Variants in DNAJC27 observed in about 807,000 individuals in gnomAD.
The protein encoded by DNAJC27 is DnaJ heat shock protein family (Hsp40) member C27.
In DNAJC27, 25 loss-of-function variants were observed where a neutral mutation model predicts 31.4. That is an observed-to-expected ratio of 0.80 (90% confidence interval 0.58 to 1.11). The LOEUF (loss-of-function observed/expected upper bound fraction) is 1.11. DNAJC27 is among the 50% of genes most tolerant of loss of function. The pLI is 0.00. For missense variants in DNAJC27, 356 were observed against 347.3 expected (o/e 1.02, Z -0.20); for synonymous variants, 106 against 112.7 (o/e 0.94, Z 0.37).
intron 6 of DNAJC27, 63 bp downstream of exon 6, chr2:24,951,331 A>G: frequency 6.7e-7 from 1 of 1,493,638 alleles, no homozygotes; most frequent in South Asian, 1.4e-5. Flanking sequence ...CTGCACCTAT[A>G]ATTTTGGTGA....
chr2:24,968,445 GTTTT>G (rs911772611), intron 1 of DNAJC27, among the ~76,000 whole-genome samples: 3 of 151,712 alleles, frequency 2.0e-5, no homozygotes, highest in African/African-American at 7.2e-5. Context: ...AAAATAATAA[GTTTT>G]TTTAAAAGTT....
intron 1 of DNAJC27, among the ~76,000 whole-genome samples, chr2:24,970,662 C>T (rs139169135): frequency 5.9e-5 from 9 of 151,568 alleles, no homozygotes; most frequent in African/African-American, 2.2e-4. Flanking sequence ...CAGGATTTCA[C>T]TATGCTGGTC....
chr2:24,950,113 C>G (rs1169919014), intron 6 of DNAJC27, among the ~76,000 whole-genome samples: 4 of 151,260 alleles, frequency 2.6e-5, no homozygotes, highest in African/African-American at 9.7e-5. Flanking sequence ...AAAAAAAGAT[C>G]CCGATAAACT....
Position 24,971,807 on chromosome 2 carries a change from G to A in DNAJC27, c.87+11C>T, listed in dbSNP as rs561708577. ...CGCTGGGGCCCGCCCCTCCCGGCTC[G>A]CTGTACTCACTTTCCCCACTTCGGC... On this transcript the variant is annotated intron_variant, in intron 1 of 6. Transcript: ENST00000264711. 5.0e-6 allele frequency: 8 copies of A among 1,600,122 alleles called. No homozygotes were observed. The highest frequency in any genetic ancestry group is 4.0e-5 in the African/African-American group (3 of 74,088).
chr2:24,955,844 C>T (rs946770557), intron 5 of DNAJC27, among the ~76,000 whole-genome samples: 24 of 152,190 alleles, frequency 1.6e-4, no homozygotes, highest in African/African-American at 5.6e-4. Context: ...ACTTTACTAC[C>T]CTTAGATGCT....
At chr2:24,964,378 C>T (rs568075701) in intron 2 of DNAJC27, among the ~76,000 whole-genome samples, 6 of 149,896 alleles carry the variant, frequency 4.0e-5, no homozygotes, top group East Asian at 2.0e-4. Flanking sequence ...GCCGAGATCA[C>T]GCCACTGCAC....
chr2:24,950,456 A>G (rs1365113561), intron 6 of DNAJC27, among the ~76,000 whole-genome samples: 1 of 152,242 alleles, frequency 6.6e-6, no homozygotes, highest in East Asian at 1.9e-4. Context: ...TTACATAACC[A>G]TAATGAATAA....
At chr2:24,958,568 G>A (rs1665965540) in intron 3 of DNAJC27, 1 of 422,416 alleles carries the variant, frequency 2.4e-6, no homozygotes, top group Non-Finnish European at 5.0e-6. Context: ...TCTTGGGCAA[G>A]TCACTTAACC....
In DNAJC27 at chr2:24,957,966, A is replaced by G. The variant is rs1665948938; in HGVS notation, c.249T>C (p.Asn83=). 4.3e-6 allele frequency: 7 copies of G among 1,609,470 alleles called. No homozygotes were observed. In the South Asian group the frequency reaches 5.6e-5, roughly 13 times the overall value. Residue 83 remains asparagine, a synonymous_variant, in exon 4 of 7, where the codon AAT becomes AAC. Transcript: ENST00000264711. ...CACCCTGTGTGTCCTTGTAAAACTC[A>G]TTTCGAACCTTCAAATAAAAGGACA... is the stretch of plus-strand genomic sequence containing the variant. ...AGHPFFYEVR[N]EFYKDTQGVI...
At chr2:24,969,768 T>C (rs1446924394) in intron 1 of DNAJC27, among the ~76,000 whole-genome samples, 1 of 152,216 alleles carries the variant, frequency 6.6e-6, no homozygotes, top group African/African-American at 2.4e-5. Flanking sequence ...CGTGAGCCAC[T>C]GCGCCCGGCC....
intron 6 of DNAJC27, among the ~76,000 whole-genome samples, chr2:24,949,541 C>T (rs144249919): frequency 1.3e-5 from 2 of 152,158 alleles, no homozygotes; most frequent in Non-Finnish European, 2.9e-5. Context: ...CAACAAATAC[C>T]AAAACTCTCT....
chr2:24,958,067 T>C lies in DNAJC27; in HGVS notation c.241-93A>G, dbSNP rs187777438. ...ATTAACCTGGCAAAGTGTGTTCTTT[T>C]GTGTATTCTTAGTGTTTGCTATTGT... On this transcript the variant is annotated intron_variant, in intron 3 of 6. Transcript: ENST00000264711. The C allele has an allele frequency of 1.3e-5, 15 of 1,197,120 alleles. 1 individual carries two copies. Among genetic ancestry groups the C allele is most frequent in the East Asian group, 1.0e-4 (4 of 39,988 alleles). 74.2% of individuals were successfully genotyped at this position (1,197,120 alleles called of 1,614,324 possible). A position where few individuals can be genotyped will look rare whatever the true frequency, so the allele number is the denominator to read the frequency against.
intron 3 of DNAJC27, among the ~76,000 whole-genome samples, chr2:24,962,887 A>C (rs1666083936): frequency 6.6e-6 from 1 of 152,208 alleles, no homozygotes; most frequent in South Asian, 2.1e-4. Context: ...GAAAAATGAA[A>C]AAGCCCAAGG....
intron 2 of DNAJC27, 65 bp from the exon 3 acceptor site, chr2:24,963,539 T>TTTATAAATTTCAAAAGGATA (rs1666102827): frequency 1.5e-6 from 2 of 1,362,638 alleles, no homozygotes; most frequent in Non-Finnish European, 2.1e-6. Flanking sequence ...CTTAATATCA[T>TTTATAAATTTCAAAAGGATA]TTATAAATTT....
intron 6 of DNAJC27, among the ~76,000 whole-genome samples, chr2:24,950,817 A>G (rs1456150131): frequency 6.6e-6 from 1 of 152,110 alleles, no homozygotes; most frequent in Non-Finnish European, 1.5e-5. Flanking sequence ...ACTGCACTCC[A>G]GCCGGGGTGA....
intron 5 of DNAJC27, among the ~76,000 whole-genome samples, chr2:24,956,209 G>A (rs564813096): frequency 6.6e-6 from 1 of 152,292 alleles, no homozygotes; most frequent in African/African-American, 2.4e-5. Flanking sequence ...ACTCTTTATA[G>A]TGTAACTACT....
rs927405181 is a variant in DNAJC27, at chr2:24,944,533, G to A, written c.*3083C>T. ...ACTTAGTTGAGAATTCAATATATGA[G>A]AACATACTAGAGTAAGTTTCCTGAG... is the stretch of plus-strand genomic sequence containing the variant. On this transcript the variant is annotated 3_prime_UTR_variant, in exon 7 of 7. Coordinates refer to ENST00000264711, the MANE Select transcript of DNAJC27 (RefSeq NM_016544.3). The A allele has an allele frequency of 5.9e-5, 9 of 152,490 alleles. No homozygotes were observed. Among genetic ancestry groups the A allele is most frequent in the African/African-American group, 2.2e-4 (9 of 41,388 alleles). The allele number at this position is 152,490 out of a possible 1,614,324, so 9.4% of individuals were successfully genotyped here. A position where few individuals can be genotyped will look rare whatever the true frequency, so the allele number is the denominator to read the frequency against.
chr2:24,971,950 A>G lies in DNAJC27; in HGVS notation c.-46T>C. The G allele has an allele frequency of 2.1e-6, 3 of 1,434,876 alleles. No individual in the cohort carries two copies. The highest frequency in any genetic ancestry group is 2.8e-6 in the Non-Finnish European group (3 of 1,069,460). The allele number at this position is 1,434,876 out of a possible 1,614,324, so 88.9% of individuals were successfully genotyped here. A position where few individuals can be genotyped will look rare whatever the true frequency, so the allele number is the denominator to read the frequency against. Reference sequence around the variant, plus strand: ...CACCCGCCTCGGTCTCTTCTTGTGCACCGCTGGCCCGTCCCTCAGGCCTCC... The same window carrying G: ...CACCCGCCTCGGTCTCTTCTTGTGCGCCGCTGGCCCGTCCCTCAGGCCTCC... On this transcript the variant is annotated 5_prime_UTR_variant, in exon 1 of 7. Transcript: ENST00000264711.
chr2:24,943,672 C>T lies in DNAJC27; in HGVS notation c.*3944G>A, dbSNP rs1393044975. On this transcript the variant is annotated 3_prime_UTR_variant, in exon 7 of 7. Transcript: ENST00000264711. ...TACTTGGCTTTACTTTATAAAAATA[C>T]ACAACTTAAATACATATGACACTCT... 2.0e-5 allele frequency: 3 copies of T among 152,586 alleles called. No homozygotes were observed. Among genetic ancestry groups the T allele is most frequent in the East Asian group, 1.9e-4 (1 of 5,192 alleles). The allele number at this position is 152,586 out of a possible 1,614,324, so 9.5% of individuals were successfully genotyped here.
Sources: gnomAD v4.1 joint callset for allele counts (sites outside exome capture counted in the v4.1 genomes callset) on GRCh38, gnomAD v4.1.1 for gene constraint, MANE v1.5 for transcripts, NCBI Gene and HGNC (gene_info 2026-07-23, HGNC 2026-07-21) for gene names.